The following CBL variants were observed in gnomAD, a reference collection of about 807,000 sequenced individuals.
CBL encodes the protein E3 ubiquitin-protein ligase CBL.
CBL carries 45 observed loss-of-function variants against 96.9 expected under a neutral mutation model. The ratio of observed to expected loss-of-function variants is 0.46; its 90% CI spans 0.37 to 0.60. The LOEUF is 0.60. CBL is among the 20% of genes least tolerant of loss of function. CBL has a pLI of 0.00. For missense variants in CBL, 1,024 were observed against 1,143.5 expected, an observed-to-expected ratio of 0.90 and a Z score of 1.51; for synonymous variants, 420 against 426.8, an observed-to-expected ratio of 0.98 and a Z score of 0.20.
rs893822763 is a variant in CBL at position 119,306,409 on chromosome 11, T to G, written c.*6628T>G. On this transcript the variant is annotated 3_prime_UTR_variant, in exon 16 of 16. Transcript: ENST00000264033. ...AGGCCCCGCCCCCTCCCCACCAACA[T>G]TGCCTCTCCTACATTCTCCTTCTGC... 5.3e-6 allele frequency: 2 copies of G among 377,956 alleles called. No individual in the cohort carries two copies. Among genetic ancestry groups the G allele is most frequent in the Admixed American group, 4.6e-5 (1 of 21,800 alleles). 23.4% of individuals were successfully genotyped at this position (377,956 alleles called of 1,614,324 possible).
intron 2 of CBL, among the ~76,000 whole-genome samples, chr11:119,244,389 T>C (rs1170521256): frequency 2.0e-5 from 3 of 151,532 alleles, no homozygotes; most frequent in African/African-American, 7.3e-5. Context: ...ATATTAGTGC[T>C]TCAAACATGG....
chr11:119,265,860 TAA>T (rs1202047210), intron 2 of CBL, among the ~76,000 whole-genome samples: 1 of 151,834 alleles, frequency 6.6e-6, no homozygotes, highest in Non-Finnish European at 1.5e-5. Flanking sequence ...CCGTCTCTAC[TAA>T]AAATATAAAA....
rs762655460 is a variant in CBL at position 119,298,452 on chromosome 11, G to A, written c.2346G>A (p.Pro782=). ...DGYDVPKPPV[P]AVLARRTLSD... ...ATGATGTCCCAAAGCCACCTGTGCC[G>A]GCCGTGCTGGCCCGCCGAACTCTCT... Residue 782 remains proline (P), a synonymous_variant, in exon 15 of 16, where the codon CCG becomes CCA. Coordinates refer to ENST00000264033, the MANE Select transcript of CBL (RefSeq NM_005188.4). 1.1e-5 allele frequency: 17 copies of A among 1,613,998 alleles called. No individual in the cohort carries two copies. The highest frequency in any genetic ancestry group is 1.7e-5 in the Admixed American group (1 of 59,998).
rs1344534696 is a variant in CBL, at chr11:119,303,085, T to C, written c.*3304T>C. 8.6e-6 allele frequency: 2 copies of C among 231,586 alleles called. No individual in the cohort carries two copies. Among genetic ancestry groups the C allele is most frequent in the Non-Finnish European group, 1.7e-5 (2 of 116,818 alleles). The allele number at this position is 231,586 out of a possible 1,614,324, so 14.3% of individuals were successfully genotyped here. On this transcript the variant is annotated 3_prime_UTR_variant, in exon 16 of 16. Coordinates refer to ENST00000264033, the MANE Select transcript of CBL (RefSeq NM_005188.4). ...TCTCTATAGAAAAGTAAAATGTGTT[T>C]ATGGTCCCAAACAGTCAACTCACAA...
At position 119,297,394 on chromosome 11, in the gene CBL, T is replaced by G. The variant is rs1330337934; in HGVS notation, c.2164T>G (p.Cys722Gly). ...DTSQSSRACD[C>G]DQQIDSCTYE... ...TTCCTTCTGGTTCAGAGCATGTGAT[T>G]GCGACCAGCAGATTGATAGCTGTAC... Residue 722 changes from cysteine to glycine, a missense_variant, in exon 14 of 16, where the codon TGC (cysteine) becomes GGC (glycine). By Grantham distance (159) the Cys-to-Gly change is radical. Around this residue, in one of 4 missense-constraint regions of CBL, gnomAD observed 695 missense variants for 661.6 expected, o/e 1.05. Coordinates refer to ENST00000264033, the MANE Select transcript of CBL (RefSeq NM_005188.4). 1.5e-5 allele frequency: 25 copies of G among 1,613,152 alleles called. No homozygotes were observed. Among genetic ancestry groups the G allele is most frequent in the Non-Finnish European group, 2.0e-5 (24 of 1,179,356 alleles).
intron 9 of CBL, among the ~76,000 whole-genome samples, chr11:119,283,313 G>C (rs1369059932): frequency 2.0e-5 from 3 of 152,176 alleles, no homozygotes; most frequent in Non-Finnish European, 4.4e-5. Context: ...TTAAGCATGT[G>C]GATAAAGCAA....
chr11:119,223,184 CTTTTTTT>C (rs1167302746), intron 1 of CBL, among the ~76,000 whole-genome samples: 3 of 67,194 alleles, frequency 4.5e-5, no homozygotes, highest in African/African-American at 7.6e-5. Flanking sequence ...CACACCCTTC[CTTTTTTT>C]TTTTTTTTTT....
chr11:119,215,982 A>C (rs1949357280), intron 1 of CBL, among the ~76,000 whole-genome samples: 1 of 152,220 alleles, frequency 6.6e-6, no homozygotes, highest in African/African-American at 2.4e-5. Context: ...TCCTTCCTGC[A>C]GCAGCTTCCG....
chr11:119,278,603 A>T lies in CBL; in HGVS notation c.1321A>T (p.Ser441Cys), dbSNP rs1296401101. 4 of 1,613,978 alleles carry T rather than the reference A, an allele frequency of 2.5e-6. No individual in the cohort carries two copies. Among genetic ancestry groups the T allele is most frequent in the Non-Finnish European group, 3.4e-6 (4 of 1,179,976 alleles). The change falls in exon 9 of 16, where the codon AGC (serine) becomes TGC (cysteine). Residue 441 changes from serine to cysteine, a missense_variant. Physicochemically the swap from Ser to Cys is moderately radical, Grantham distance 112. Coordinates refer to ENST00000264033, the MANE Select transcript of CBL (RefSeq NM_005188.4). Reference sequence around the variant, plus strand: ...TCCGTTTGATCCTAGAGGGAGTGGCAGCCTGTTGAGGCAAGGAGCAGAGGG... The same window carrying T: ...TCCGTTTGATCCTAGAGGGAGTGGCTGCCTGTTGAGGCAAGGAGCAGAGGG... ...VDPFDPRGSG[S>C]LLRQGAEGAP...
intron 12 of CBL, among the ~76,000 whole-genome samples, chr11:119,294,219 C>T (rs574695845): frequency 1.4e-4 from 21 of 148,824 alleles, no homozygotes; most frequent in Admixed American, 1.2e-3. Flanking sequence ...ACTTGAGGTC[C>T]GGATATCGAG....
At chr11:119,225,440 A>G (rs976918744) in intron 1 of CBL, among the ~76,000 whole-genome samples, 6 of 152,056 alleles carry the variant, frequency 3.9e-5, no homozygotes, top group Middle Eastern at 3.4e-3. Context: ...ATTCTGTCCT[A>G]CAGGCTGGAG....
intron 1 of CBL, among the ~76,000 whole-genome samples, chr11:119,210,484 C>T (rs556287880): frequency 2.8e-4 from 42 of 152,120 alleles, no homozygotes; most frequent in African/African-American, 9.9e-4. Flanking sequence ...GGCTGGAATG[C>T]AGTGGCATGA....
intron 1 of CBL, among the ~76,000 whole-genome samples, chr11:119,213,531 C>T (rs548220338): frequency 6.6e-6 from 1 of 152,282 alleles, no homozygotes; most frequent in East Asian, 1.9e-4. Flanking sequence ...TTGAGGGTAG[C>T]ACCTGTAACC....
At position 119,273,918 on chromosome 11, in the gene CBL, C is replaced by T. The variant is rs2135298833; in HGVS notation, c.641C>T (p.Pro214Leu). ...SFRQALHEVH[P>L]ISSGLEAMAL... ...CGACAGGCTCTACATGAAGTGCATC[C>T]CATCAGTTCTGGGCTGGAGGCCATG... The change falls in exon 4 of 16, where the codon CCC becomes CTC. Residue 214 changes from proline to leucine, a missense_variant. By Grantham distance (98) the Pro-to-Leu change is moderately conservative. Around this residue, in one of 4 missense-constraint regions of CBL, gnomAD observed 192 missense variants for 321.8 expected, o/e 0.60. Coordinates refer to ENST00000264033, the MANE Select transcript of CBL (RefSeq NM_005188.4). 6.2e-7 allele frequency: 1 copy of T among 1,613,932 alleles called. No homozygotes were observed. Among genetic ancestry groups the T allele is most frequent in the Non-Finnish European group, 8.5e-7 (1 of 1,179,800 alleles).
At chr11:119,253,257 A>T (rs1057177750) in intron 2 of CBL, among the ~76,000 whole-genome samples, 8 of 152,156 alleles carry the variant, frequency 5.3e-5, no homozygotes, top group Admixed American at 2.0e-4. Flanking sequence ...AAGTATTCTC[A>T]TAAGATTGTT....
At chr11:119,279,680 G>A (rs1949919124) in intron 9 of CBL, among the ~76,000 whole-genome samples, 1 of 152,166 alleles carries the variant, frequency 6.6e-6, no homozygotes, top group Admixed American at 6.5e-5. Flanking sequence ...TATACAATGT[G>A]TAGTGTGACT....
Position 119,297,296 on chromosome 11 carries a change from T to C in CBL, c.2154-88T>C, listed in dbSNP as rs530873951. 3.8e-5 allele frequency: 41 copies of C among 1,080,122 alleles called. No individual in the cohort carries two copies. In the East Asian group the frequency reaches 6.3e-4, roughly 17 times the overall value. 66.9% of individuals were successfully genotyped at this position (1,080,122 alleles called of 1,614,324 possible). A position where few individuals can be genotyped will look rare whatever the true frequency, so the allele number is the denominator to read the frequency against. On this transcript the variant is annotated intron_variant, in intron 13 of 15. Transcript: ENST00000264033. Reference sequence around the variant, plus strand: ...TCAACTTTAACATTTATTAGTGATATTGGCAAAACGAGAAGATGAATCTTC... The same window carrying C: ...TCAACTTTAACATTTATTAGTGATACTGGCAAAACGAGAAGATGAATCTTC...
chr11:119,254,658 G>A (rs1223831000), intron 2 of CBL, among the ~76,000 whole-genome samples: 2 of 151,938 alleles, frequency 1.3e-5, no homozygotes, highest in East Asian at 3.9e-4. Context: ...CTGGAATGCA[G>A]TGGTGCCATC....
chr11:119,262,414 A>G (rs1198389366), intron 2 of CBL, among the ~76,000 whole-genome samples: 1 of 152,202 alleles, frequency 6.6e-6, no homozygotes, highest in Non-Finnish European at 1.5e-5. Context: ...TACCATACTG[A>G]TGTTGGTTTC....
Sources: allele counts gnomAD v4.1 joint callset (sites outside exome capture counted in the v4.1 genomes callset), GRCh38; gene constraint gnomAD v4.1.1; regional missense constraint gnomAD v4.1.1; transcripts MANE v1.5; gene names NCBI Gene and HGNC (gene_info 2026-07-23, HGNC 2026-07-21).